The following HERC1 variants were observed in gnomAD, a reference collection of about 807,000 sequenced individuals.
The protein encoded by HERC1 is probable E3 ubiquitin-protein ligase HERC1.
A neutral mutation model predicts 554.3 loss-of-function variants in HERC1; 160 were observed. That is an observed-to-expected ratio of 0.29 (90% CI 0.25 to 0.33). The LOEUF (loss-of-function observed/expected upper bound fraction) is 0.33. Ranked by LOEUF, HERC1 falls within the 10% of genes least tolerant of loss-of-function variation. The pLI, the probability that HERC1 is intolerant of heterozygous loss-of-function variation, is 1.00. For missense variants in HERC1, 4,919 were observed against 5,918.5 expected, an observed-to-expected ratio of 0.83 and a Z score of 5.54; for synonymous variants, 2,175 against 2,131.7, an observed-to-expected ratio of 1.02 and a Z score of -0.56.
intron 19 of HERC1, among the ~76,000 whole-genome samples, chr15:63,720,441 A>G (rs1455719231): frequency 5.3e-5 from 8 of 152,302 alleles, no homozygotes; most frequent in Non-Finnish European, 8.8e-5. Context: ...ACTTATAAAC[A>G]AAACAAAACC....
chr15:63,729,816 AG>A (rs2074201711), intron 14 of HERC1, among the ~76,000 whole-genome samples, 167 bp from the exon 15 acceptor site: 2 of 152,042 alleles, frequency 1.3e-5, no homozygotes, highest in Admixed American at 6.6e-5. Flanking sequence ...TGAAGTCAGG[AG>A]GTTGAGACCA....
At chr15:63,660,863 A>T in intron 46 of HERC1, 110 bp downstream of exon 46, 1 of 666,338 alleles carries the variant, frequency 1.5e-6, no homozygotes, top group Non-Finnish European at 2.6e-6. Context: ...GTTAACATGT[A>T]CACAAATACA....
chr15:63,767,716 G>A (rs969369386), intron 2 of HERC1, among the ~76,000 whole-genome samples: 1 of 152,036 alleles, frequency 6.6e-6, no homozygotes, highest in Non-Finnish European at 1.5e-5. Context: ...AAACAAAACA[G>A]CAAATATCTT....
At chr15:63,658,385 C>T (rs1221937097) in intron 48 of HERC1, among the ~76,000 whole-genome samples, 159 bp downstream of exon 48, 1 of 152,164 alleles carries the variant, frequency 6.6e-6, no homozygotes, top group African/African-American at 2.4e-5. Flanking sequence ...ACTGAATGAC[C>T]GATTGAGTGA....
intron 12 of HERC1, among the ~76,000 whole-genome samples, chr15:63,744,750 G>C (rs2074993094): frequency 6.6e-6 from 1 of 152,182 alleles, no homozygotes; most frequent in African/African-American, 2.4e-5. Context: ...CTTCAGGGCA[G>C]TGGGTTCTCC....
intron 77 of HERC1, among the ~76,000 whole-genome samples, chr15:63,609,870 T>C (rs1182284472): frequency 1.3e-5 from 2 of 152,162 alleles, no homozygotes; most frequent in Non-Finnish European, 2.9e-5. Context: ...ATGATAATTA[T>C]GATGACTGGC....
intron 1 of HERC1, among the ~76,000 whole-genome samples, chr15:63,810,065 A>G (rs1204067062): frequency 6.6e-6 from 1 of 152,228 alleles, no homozygotes; most frequent in African/African-American, 2.4e-5. Flanking sequence ...AAAATGAATG[A>G]GGAAGATCTA....
At chr15:63,787,967 AAAAAAAAAAAAAAAAGAC>A (rs1333627629) in intron 1 of HERC1, among the ~76,000 whole-genome samples, 1 of 150,270 alleles carries the variant, frequency 6.7e-6, no homozygotes, top group Non-Finnish European at 1.5e-5. Context: ...TCTCAAAAAA[AAAAAAAAAAAAAAAAGAC>A]AAAACAAAAC....
intron 30 of HERC1, among the ~76,000 whole-genome samples, chr15:63,693,104 G>A (rs924743654): frequency 3.3e-5 from 5 of 151,962 alleles, no homozygotes; most frequent in Admixed American, 6.6e-5. Context: ...CTTGAACCTG[G>A]GAGGCAGAGG....
rs754630847 is a variant in HERC1, at chr15:63,725,467, T to C, written c.3393A>G (p.Pro1131=). 3 of 1,613,916 alleles carry C rather than the reference T, an allele frequency of 1.9e-6. No individual in the cohort carries two copies. Among genetic ancestry groups the C allele is most frequent in the Non-Finnish European group, 1.7e-6 (2 of 1,179,876 alleles). ...IDPAGLPLPQ[P]AQSWVWLVDL... ...CCACAAGCCATACCCAGGACTGAGC[T>C]GGCTGAGGTAATGGCAGACCAGCAG... The change falls in exon 18 of 78, where the codon CCA becomes CCG. Residue 1131 remains proline (P), a synonymous_variant. Transcript: ENST00000443617.
Position 63,694,489 on chromosome 15 carries a change from A to G in HERC1, c.5303T>C (p.Val1768Ala), listed in dbSNP as rs368047551. The G allele has an allele frequency of 1.1e-5, 17 of 1,613,922 alleles. No individual in the cohort carries two copies. The highest frequency in any genetic ancestry group is 1.4e-5 in the Non-Finnish European group (17 of 1,179,902). The stretch of plus-strand genomic sequence containing the variant: ...AGTGGAAATTGCCAAAGAAACATCT[A>G]CTGGTTGATAATGAACACTTAGGGC... ...VFALSVHYQP[V>A]DVSLAISTGL... Residue 1768 changes from valine to alanine, a missense_variant, in exon 29 of 78, where the codon GTA becomes GCA. Coordinates refer to ENST00000443617, the MANE Select transcript of HERC1 (RefSeq NM_003922.4). The surrounding 1 kb of genome is among the most constrained non-coding windows in gnomAD (Gnocchi z 4.3).
At chr15:63,738,332 G>A (rs1052711707) in intron 12 of HERC1, among the ~76,000 whole-genome samples, 1 of 152,066 alleles carries the variant, frequency 6.6e-6, no homozygotes, top group Non-Finnish European at 1.5e-5. Context: ...AGCAATATGG[G>A]ATCCCAAATA....
At chr15:63,808,055 C>G (rs1164789144) in intron 1 of HERC1, among the ~76,000 whole-genome samples, 1 of 150,774 alleles carries the variant, frequency 6.6e-6, no homozygotes, top group African/African-American at 2.4e-5. Flanking sequence ...GTAACATCAG[C>G]TATTTTAAGT....
chr15:63,683,143 A>C (rs2071567504), intron 34 of HERC1, among the ~76,000 whole-genome samples: 1 of 151,722 alleles, frequency 6.6e-6, no homozygotes, highest in African/African-American at 2.4e-5. Context: ...CTCAAAAAAA[A>C]AAAAAAAAAA....
intron 5 of HERC1, among the ~76,000 whole-genome samples, chr15:63,755,658 T>C (rs1019446756): frequency 6.6e-6 from 1 of 152,154 alleles, no homozygotes; most frequent in Non-Finnish European, 1.5e-5. Context: ...CGCATGTCTA[T>C]AGTCCCAGCT....
intron 24 of HERC1, among the ~76,000 whole-genome samples, chr15:63,711,278 G>C (rs1158245303): frequency 6.6e-6 from 1 of 152,068 alleles, no homozygotes; most frequent in Non-Finnish European, 1.5e-5. Flanking sequence ...TGAGCAGCCT[G>C]AACTCCAGCC....
At chr15:63,644,963 G>T in intron 57 of HERC1, 29 bp downstream of exon 57, 1 of 1,498,132 alleles carries the variant, frequency 6.7e-7, no homozygotes, top group Non-Finnish European at 9.3e-7. Context: ...CATAGTTTCA[G>T]ACAGTCTTCA....
intron 1 of HERC1, among the ~76,000 whole-genome samples, chr15:63,795,731 C>T (rs927689812): frequency 1.1e-4 from 17 of 152,196 alleles, no homozygotes; most frequent in African/African-American, 4.1e-4. Context: ...GTACACCGAA[C>T]AAAAGAGACA....
intron 1 of HERC1, among the ~76,000 whole-genome samples, chr15:63,822,493 G>A (rs573312662): frequency 6.6e-6 from 1 of 152,106 alleles, no homozygotes; most frequent in East Asian, 1.9e-4. Flanking sequence ...GGCTGAGGCA[G>A]GATAATCGCT....
Sources: gnomAD v4.1 joint callset for allele counts (sites outside exome capture counted in the v4.1 genomes callset) on GRCh38, gnomAD v4.1.1 for gene constraint, Gnocchi (gnomAD v3.1) non-coding constraint, MANE v1.5 for transcripts, NCBI Gene and HGNC (gene_info 2026-07-23, HGNC 2026-07-21) for gene names.